Variants in DGKB observed in about 807,000 individuals in gnomAD.
DGKB encodes 90 kDa diacylglycerol kinase.
Under a neutral mutation model 114.3 loss-of-function variants are expected in DGKB, and 67 were observed. The ratio of observed to expected loss-of-function variants is 0.59; its 90% CI spans 0.48 to 0.72. The LOEUF is 0.72. Among genes scored for constraint, DGKB ranks in the 30% least tolerant of loss-of-function variants. The pLI is 0.00. For synonymous variants in DGKB, 398 were observed against 323.1 expected (o/e 1.23, Z -2.49); for missense variants, 907 against 975.2 (o/e 0.93, Z 0.93).
At position 14,920,579 on chromosome 7, in the gene DGKB, C is replaced by G. The variant is rs552634150; in HGVS notation, c.-188+54117G>C. On this transcript the variant is annotated intron_variant, in intron 1 of 4. Coordinates refer to the DGKB transcript ENST00000437998. ...AAAATGTAAATGTGACTTTGGAAGA[C>G]AGTTTGGCAGTTTCTTACAAAGTTA... Among the ~76,000 whole-genome samples, 7 of 152,274 alleles carry G rather than the reference C, an allele frequency of 4.6e-5. No homozygotes were observed. In the East Asian group the frequency reaches 9.7e-4, roughly 21 times the overall value.
chr7:14,365,176 G>A (rs1319529791), intron 21 of DGKB, among the ~76,000 whole-genome samples: 1 of 151,800 alleles, frequency 6.6e-6, no homozygotes, highest in Non-Finnish European at 1.5e-5. Flanking sequence ...TTTGGAGAAT[G>A]AATAATGAGA....
chr7:14,188,504 CA>C (rs1783795447), intron 23 of DGKB, among the ~76,000 whole-genome samples: 2 of 143,596 alleles, frequency 1.4e-5, no homozygotes, highest in African/African-American at 5.1e-5. Context: ...ACTAAAAATA[CA>C]AAAAATTAGC....
intron 21 of DGKB, among the ~76,000 whole-genome samples, chr7:14,402,175 C>A (rs1274715897): frequency 6.6e-6 from 1 of 151,574 alleles, no homozygotes; most frequent in Non-Finnish European, 1.5e-5. Flanking sequence ...GACACTCAAT[C>A]CTTATTTTTT....
At chr7:14,670,488 G>A (rs1450407903) in intron 13 of DGKB, among the ~76,000 whole-genome samples, 1 of 151,888 alleles carries the variant, frequency 6.6e-6, no homozygotes, top group African/African-American at 2.4e-5. Context: ...ATGTTTAGTT[G>A]AGATGGGGTT....
intron 23 of DGKB, among the ~76,000 whole-genome samples, chr7:14,198,645 A>G (rs1319278368): frequency 6.6e-6 from 1 of 152,042 alleles, no homozygotes; most frequent in Admixed American, 6.6e-5. Flanking sequence ...TCTTATTGAC[A>G]TTTTTATGGT....
chr7:14,593,576 G>A (rs1802039630), intron 17 of DGKB, among the ~76,000 whole-genome samples: 2 of 151,660 alleles, frequency 1.3e-5, no homozygotes, highest in Admixed American at 6.6e-5. Context: ...AAACACTTTT[G>A]TAAATATATT....
At chr7:14,177,323 C>T (rs1223343420) in intron 24 of DGKB, among the ~76,000 whole-genome samples, 1 of 151,900 alleles carries the variant, frequency 6.6e-6, no homozygotes, top group Non-Finnish European at 1.5e-5. Context: ...TCCGTGGCTT[C>T]ACCTGGGCAG....
At chr7:14,872,274 C>T (rs1298430013) in intron 1 of DGKB, among the ~76,000 whole-genome samples, 2 of 152,102 alleles carry the variant, frequency 1.3e-5, no homozygotes, top group Admixed American at 6.5e-5. Flanking sequence ...AACAAACATA[C>T]GCTATACCTG....
Position 14,742,851 on chromosome 7 carries a change from T to C in DGKB, c.169-6657A>G, listed in dbSNP as rs1198570524. On this transcript the variant is annotated intron_variant, in intron 4 of 25. Transcript: ENST00000402815. Reference sequence around the variant, plus strand: ...TTCAGGAAAAGATTGTAAGAAGGCATGGAAATCCAAGTAACTTTTTGCCTA... The same window carrying C: ...TTCAGGAAAAGATTGTAAGAAGGCACGGAAATCCAAGTAACTTTTTGCCTA... 2.6e-5 allele frequency among the ~76,000 whole-genome samples: 4 copies of C among 152,180 alleles called. No individual in the cohort carries two copies. The East Asian group carries it at 7.7e-4, about 29-fold the overall frequency.
intron 5 of DGKB, among the ~76,000 whole-genome samples, chr7:14,730,800 A>G (rs1830795883): frequency 6.6e-6 from 1 of 152,206 alleles, no homozygotes; most frequent in Non-Finnish European, 1.5e-5. Context: ...CATGCCCTTC[A>G]CTAAAGCAAC....
At chr7:14,266,457 A>G (rs143168690) in intron 23 of DGKB, among the ~76,000 whole-genome samples, 342 of 152,310 alleles carry the variant, frequency 2.2e-3, no homozygotes, top group African/African-American at 7.7e-3. Context: ...GTATGTTTTA[A>G]AGAAAGCTAA....
chr7:14,946,878 C>A (rs1785910897), intron 1 of DGKB, among the ~76,000 whole-genome samples: 1 of 151,540 alleles, frequency 6.6e-6, no homozygotes, highest in Non-Finnish European at 1.5e-5. Flanking sequence ...ATTGTATAAT[C>A]CAACAAATCA....
At chr7:14,682,974 G>C in intron 10 of DGKB, 133 bp from the exon 11 acceptor site, 1 of 658,250 alleles carries the variant, frequency 1.5e-6, no homozygotes, top group Non-Finnish European at 2.7e-6. Context: ...CCACATCAAG[G>C]AGAAGTCCAA....
In DGKB at chr7:14,176,765, G is replaced by C; in HGVS notation, c.2304+74C>G. 2.6e-6 allele frequency: 4 copies of C among 1,560,318 alleles called. No individual in the cohort carries two copies. In the Admixed American group the frequency reaches 5.6e-5, roughly 22 times the overall value. The stretch of plus-strand genomic sequence containing the variant: ...TGAAAAGAAATAAAGAAAAAAATCA[G>C]TTATTGTGGTTATTTAGTCAAAGAG... On this transcript the variant is annotated intron_variant, in intron 25 of 25. Transcript: ENST00000402815.
chr7:14,573,470 TGTGTGTG>T (rs1798677316), intron 20 of DGKB, among the ~76,000 whole-genome samples: 2 of 24,374 alleles, frequency 8.2e-5, no homozygotes, highest in African/African-American at 3.2e-4. Flanking sequence ...TCTATCTCTG[TGTGTGTG>T]TGTGTGTGTG....
At chr7:14,367,125 C>T (rs891311156) in intron 21 of DGKB, among the ~76,000 whole-genome samples, 2 of 152,104 alleles carry the variant, frequency 1.3e-5, no homozygotes, top group Non-Finnish European at 2.9e-5. Context: ...CTCCCAGCCA[C>T]GCTATCTTGA....
rs182109742 is a variant in DGKB at position 14,951,168 on chromosome 7, T to C, written c.-188+23528A>G. Among the ~76,000 whole-genome samples the C allele has an allele frequency of 3.2e-3, 488 of 152,080 alleles. 2 individuals are homozygous for C. Among genetic ancestry groups the C allele is most frequent in the African/African-American group, 0.011 (467 of 41,516 alleles). On this transcript the variant is annotated intron_variant, in intron 1 of 4. Transcript: ENST00000437998. Reference sequence around the variant, plus strand: ...CTGCTTAATAGTGATAAGACTAAATTTTTCCTTCCTGAGATGGGAACAAGA... The same window carrying C: ...CTGCTTAATAGTGATAAGACTAAATCTTTCCTTCCTGAGATGGGAACAAGA...
At chr7:14,887,706 GT>G (rs779815043) in intron 1 of DGKB, among the ~76,000 whole-genome samples, 25 of 151,798 alleles carry the variant, frequency 1.6e-4, no homozygotes, top group Non-Finnish European at 3.2e-4. Flanking sequence ...CATCACTCTT[GT>G]TCCTCTTGCC....
chr7:14,186,266 C>T (rs906264579), intron 23 of DGKB, among the ~76,000 whole-genome samples: 1 of 152,180 alleles, frequency 6.6e-6, no homozygotes, highest in African/African-American at 2.4e-5. Context: ...ATGAAAAATG[C>T]TCATCATTAC....
Sources: gnomAD v4.1 joint callset for allele counts (sites outside exome capture counted in the v4.1 genomes callset) on GRCh38, gnomAD v4.1.1 for gene constraint, MANE v1.5 for transcripts, NCBI Gene and HGNC (gene_info 2026-07-23, HGNC 2026-07-21) for gene names.